Variants in NOL4 observed in about 807,000 individuals in gnomAD.
NOL4 encodes the protein nucleolar protein 4, also known as cancer/testis antigen 125.
A neutral mutation model predicts 75.9 loss-of-function variants in NOL4; 17 were observed. The observed-to-expected ratio is 0.22, with a 90% CI of 0.15 to 0.34. The LOEUF (loss-of-function observed/expected upper bound fraction) is 0.34, where lower values mean the gene tolerates loss of function less well. Ranked by LOEUF, NOL4 falls within the 10% of genes least tolerant of loss-of-function variation. The pLI, the probability that NOL4 is intolerant of heterozygous loss-of-function variation, is 1.00. For synonymous variants in NOL4, 292 were observed against 289.9 expected (o/e 1.01, Z -0.07); for missense variants, 614 against 793.5 (o/e 0.77, Z 2.72).
At chr18:33,952,911 T>G (rs2069346883) in intron 8 of NOL4, among the ~76,000 whole-genome samples, 1 of 151,912 alleles carries the variant, frequency 6.6e-6, no homozygotes, top group Admixed American at 6.6e-5. Flanking sequence ...GCAACAAGAG[T>G]GAAACTCCGT....
rs186024396 is a variant in NOL4, at chr18:33,927,104, G to A, written c.1542+15961C>T. On this transcript the variant is annotated intron_variant, in intron 9 of 10. Coordinates refer to ENST00000261592, the MANE Select transcript of NOL4 (RefSeq NM_003787.5). ...ACTAACCAGAAACATGATGAAAAAC[G>A]TGATTGATCCTGCCATGTTCTGGGA... Among the ~76,000 whole-genome samples, 14 of 152,216 alleles carry A rather than the reference G, an allele frequency of 9.2e-5. No homozygotes were observed. In the East Asian group the frequency reaches 2.3e-3, roughly 25 times the overall value.
In NOL4 at chr18:33,883,292, T is replaced by G; in HGVS notation, c.1675A>C (p.Arg559=). 1.2e-6 allele frequency: 2 copies of G among 1,612,914 alleles called. No homozygotes were observed. The highest frequency in any genetic ancestry group is 2.2e-5 in the South Asian group (2 of 90,988). ...TTTAGCAGACCCCCTCCTAGCCCTC[T>G]GTAACTATGGTAACTATAGGTCCCA... The part of the protein sequence containing the change: ...GNGTYSYHSY[R]GLGGGLLNLN... The change falls in exon 10 of 11, where the codon AGA becomes CGA. Residue 559 remains arginine (R), a synonymous_variant. Transcript: ENST00000261592.
At chr18:33,868,556 T>C (rs2063541077) in intron 10 of NOL4, among the ~76,000 whole-genome samples, 1 of 151,952 alleles carries the variant, frequency 6.6e-6, no homozygotes, top group East Asian at 1.9e-4. Flanking sequence ...CACTATAACA[T>C]AGATGCCTGT....
intron 10 of NOL4, among the ~76,000 whole-genome samples, chr18:33,859,761 A>C (rs1310861603): frequency 3.3e-5 from 5 of 152,090 alleles, no homozygotes; most frequent in Admixed American, 3.3e-4. Context: ...TTTACTAAAA[A>C]TACAAAAATT....
intron 5 of NOL4, among the ~76,000 whole-genome samples, chr18:34,068,120 C>T (rs895034531): frequency 6.6e-6 from 1 of 152,120 alleles, no homozygotes; most frequent in African/African-American, 2.4e-5. Context: ...CCCTCTTAGG[C>T]TTCCATACAT....
intron 6 of NOL4, among the ~76,000 whole-genome samples, chr18:33,981,294 TA>T (rs151122938): frequency 1.4e-3 from 203 of 147,720 alleles, no homozygotes; most frequent in African/African-American, 3.0e-3. Flanking sequence ...TGACTGAAAT[TA>T]AAAAAAAAAA....
Position 34,045,503 on chromosome 18 carries a change from G to A in NOL4, c.773-25902C>T, listed in dbSNP as rs547446896. On this transcript the variant is annotated intron_variant, in intron 5 of 10. Coordinates refer to ENST00000261592, the MANE Select transcript of NOL4 (RefSeq NM_003787.5). ...TCTGCCCTCAAAAGTATATGTCATC[G>A]AAAGAACATATTCCAGTCTGACATT... Among the ~76,000 whole-genome samples, 4 of 152,116 alleles carry A rather than the reference G, an allele frequency of 2.6e-5. No individual in the cohort carries two copies. The South Asian group carries it at 6.2e-4, about 24-fold the overall frequency.
chr18:34,119,701 C>A (rs552552178), intron 2 of NOL4, among the ~76,000 whole-genome samples: 125 of 152,056 alleles, frequency 8.2e-4, no homozygotes, highest in African/African-American at 2.8e-3. Flanking sequence ...GGCTCACTGC[C>A]AGCTCCACTT....
At chr18:33,952,599 G>T (rs945254587) in intron 8 of NOL4, among the ~76,000 whole-genome samples, 3 of 152,150 alleles carry the variant, frequency 2.0e-5, no homozygotes, top group Admixed American at 2.0e-4. Flanking sequence ...AGTTTCAAAA[G>T]GTCATACGCT....
At chr18:33,968,106 A>AAATG (rs1347736615) in intron 6 of NOL4, among the ~76,000 whole-genome samples, 1 of 151,986 alleles carries the variant, frequency 6.6e-6, no homozygotes, top group African/African-American at 2.4e-5. Context: ...ATAAATAAAT[A>AAATG]AATAAAAATT....
chr18:33,900,630 C>G (rs1568033479), intron 9 of NOL4, among the ~76,000 whole-genome samples: 1 of 152,078 alleles, frequency 6.6e-6, no homozygotes, highest in African/African-American at 2.4e-5. Flanking sequence ...AAAGATAAAA[C>G]AGGTTTTTAA....
chr18:33,906,036 G>A (rs922665968), intron 9 of NOL4, among the ~76,000 whole-genome samples: 1 of 152,178 alleles, frequency 6.6e-6, no homozygotes, highest in African/African-American at 2.4e-5. Context: ...TCCTTTTGTG[G>A]TGATATCTTT....
intron 5 of NOL4, among the ~76,000 whole-genome samples, chr18:34,066,990 G>A (rs1259953054): frequency 6.6e-6 from 1 of 151,922 alleles, no homozygotes; most frequent in Non-Finnish European, 1.5e-5. Flanking sequence ...TTATTCTATG[G>A]ATAAAGCATA....
intron 1 of NOL4, among the ~76,000 whole-genome samples, chr18:34,165,005 A>G (rs1397614266): frequency 2.0e-5 from 3 of 146,636 alleles, no homozygotes; most frequent in African/African-American, 5.1e-5. Context: ...AAAACCAAAC[A>G]CCGCATATTC....
At chr18:34,052,545 C>CA (rs1168306954) in intron 5 of NOL4, among the ~76,000 whole-genome samples, 1 of 151,918 alleles carries the variant, frequency 6.6e-6, no homozygotes, top group African/African-American at 2.4e-5. Context: ...CTGTTTGGTC[C>CA]AGAAATCTAC....
intron 2 of NOL4, among the ~76,000 whole-genome samples, chr18:34,128,600 G>GTCAAAAGAA (rs1474133434): frequency 1.3e-5 from 2 of 151,962 alleles, no homozygotes; most frequent in East Asian, 3.9e-4. Flanking sequence ...CTCCTGGAAT[G>GTCAAAAGAA]TGTAAGTCAA....
At chr18:33,994,788 G>T (rs538534063) in intron 6 of NOL4, among the ~76,000 whole-genome samples, 2 of 151,640 alleles carry the variant, frequency 1.3e-5, no homozygotes, top group Middle Eastern at 6.8e-3. Flanking sequence ...AAATAATGAA[G>T]ATTTGAGTGG....
chr18:33,874,995 GA>G (rs2063866202), intron 10 of NOL4, among the ~76,000 whole-genome samples: 1 of 152,002 alleles, frequency 6.6e-6, no homozygotes, highest in Non-Finnish European at 1.5e-5. Flanking sequence ...AAATGTTAGT[GA>G]TTATGGTCAT....
At chr18:33,905,931 CA>C (rs2066013166) in intron 9 of NOL4, among the ~76,000 whole-genome samples, 2 of 152,200 alleles carry the variant, frequency 1.3e-5, no homozygotes, top group African/African-American at 4.8e-5. Flanking sequence ...CTCAATTCCA[CA>C]AGATTTTGGA....
Sources: allele counts gnomAD v4.1 joint callset (sites outside exome capture counted in the v4.1 genomes callset), GRCh38; gene constraint gnomAD v4.1.1; transcripts MANE v1.5; gene names NCBI Gene and HGNC (gene_info 2026-07-23, HGNC 2026-07-21).